Variants in LHFPL3 observed in about 807,000 individuals in gnomAD.
The protein encoded by LHFPL3 is LHFPL tetraspan subfamily member 3.
Under a neutral mutation model 19.3 loss-of-function variants are expected in LHFPL3, and 5 were observed. That is an observed-to-expected ratio of 0.26 (90% CI 0.14 to 0.54). The LOEUF (loss-of-function observed/expected upper bound fraction) is 0.54. Ranked by LOEUF, LHFPL3 falls within the 20% of genes least tolerant of loss-of-function variation. LHFPL3 has a pLI of 0.94. For missense variants in LHFPL3, 249 were observed against 307.4 expected (o/e 0.81, Z 1.42); for synonymous variants, 133 against 126.2 (o/e 1.05, Z -0.36).
At chr7:104,343,570 C>T (rs939178795) in intron 1 of LHFPL3, among the ~76,000 whole-genome samples, 2 of 110,734 alleles carry the variant, frequency 1.8e-5, no homozygotes, top group Non-Finnish European at 3.8e-5. Flanking sequence ...TGAATTTATA[C>T]AATGAAAGAG....
intron 1 of LHFPL3, among the ~76,000 whole-genome samples, chr7:104,419,431 T>G (rs1791684987): frequency 1.3e-5 from 2 of 152,308 alleles, no homozygotes; most frequent in South Asian, 4.1e-4. Flanking sequence ...GTTGTGAGTT[T>G]GAAAGACATT....
chr7:104,410,278 G>A (rs1204928491), intron 1 of LHFPL3, among the ~76,000 whole-genome samples: 3 of 152,030 alleles, frequency 2.0e-5, no homozygotes, highest in Admixed American at 6.5e-5. Flanking sequence ...GATTACAAGC[G>A]CCTGCCACCA....
intron 2 of LHFPL3, among the ~76,000 whole-genome samples, chr7:104,779,348 T>C (rs574740283): frequency 2.6e-5 from 4 of 152,364 alleles, no homozygotes; most frequent in African/African-American, 9.6e-5. Flanking sequence ...TTCAAGCTCC[T>C]GAGGGCAGGG....
At chr7:104,857,434 C>G (rs1791530220) in intron 2 of LHFPL3, among the ~76,000 whole-genome samples, 1 of 152,072 alleles carries the variant, frequency 6.6e-6, no homozygotes, top group Admixed American at 6.6e-5. Context: ...TATGCCAGAC[C>G]TTATACCAGG....
intron 1 of LHFPL3, among the ~76,000 whole-genome samples, chr7:104,489,373 A>G (rs1286136354): frequency 6.6e-6 from 1 of 151,948 alleles, no homozygotes; most frequent in Non-Finnish European, 1.5e-5. Context: ...AGTTTTGAAC[A>G]AGGGACTCTG....
chr7:104,882,300 T>A (rs566670675), intron 2 of LHFPL3, among the ~76,000 whole-genome samples: 1 of 152,266 alleles, frequency 6.6e-6, no homozygotes, highest in South Asian at 2.1e-4. Context: ...CAGACTGGAG[T>A]GCAGTGGCAT....
chr7:104,697,044 T>A (rs990967793), intron 1 of LHFPL3, among the ~76,000 whole-genome samples: 1 of 152,200 alleles, frequency 6.6e-6, no homozygotes, highest in African/African-American at 2.4e-5. Context: ...CTTGTGTCCT[T>A]ACATGGTGGA....
chr7:104,855,232 C>G (rs534817319), intron 2 of LHFPL3, among the ~76,000 whole-genome samples: 30 of 152,318 alleles, frequency 2.0e-4, no homozygotes, highest in Non-Finnish European at 3.8e-4. Flanking sequence ...ATGACCTCAC[C>G]TGGAGGTTAA....
chr7:104,480,345 C>G (rs539091894), intron 1 of LHFPL3, among the ~76,000 whole-genome samples: 113 of 152,206 alleles, frequency 7.4e-4, no homozygotes, highest in African/African-American at 2.6e-3. Flanking sequence ...CCCCCCACCG[C>G]CCAGATTTCC....
intron 1 of LHFPL3, among the ~76,000 whole-genome samples, chr7:104,431,873 A>G (rs982351250): frequency 5.3e-5 from 8 of 152,228 alleles, no homozygotes; most frequent in African/African-American, 1.9e-4. Context: ...TATCATGTCA[A>G]TCTCCTTGGT....
intron 1 of LHFPL3, among the ~76,000 whole-genome samples, chr7:104,657,975 A>T (rs902462515): frequency 6.6e-6 from 1 of 151,492 alleles, no homozygotes; most frequent in Non-Finnish European, 1.5e-5. Context: ...TTTTCCATAG[A>T]TACCAGCACA....
intron 2 of LHFPL3, among the ~76,000 whole-genome samples, chr7:104,867,971 C>A (rs543719909): frequency 3.3e-5 from 5 of 152,266 alleles, no homozygotes; most frequent in African/African-American, 1.2e-4. Context: ...GAACCAACGA[C>A]AAAAACCATA....
At chr7:104,502,596 G>A (rs1423596041) in intron 1 of LHFPL3, among the ~76,000 whole-genome samples, 3 of 151,996 alleles carry the variant, frequency 2.0e-5, no homozygotes, top group Non-Finnish European at 2.9e-5. Flanking sequence ...TGTGGTTCAG[G>A]GTGAACCTAG....
chr7:104,779,490 C>A (rs1794684700), intron 2 of LHFPL3, among the ~76,000 whole-genome samples: 1 of 152,040 alleles, frequency 6.6e-6, no homozygotes, highest in Non-Finnish European at 1.5e-5. Context: ...TCTGTGACGC[C>A]CAGGATGCCT....
At chr7:104,410,185 T>G (rs1791508497) in intron 1 of LHFPL3, among the ~76,000 whole-genome samples, 1 of 152,176 alleles carries the variant, frequency 6.6e-6, no homozygotes, top group South Asian at 2.1e-4. Flanking sequence ...CAGGCTGGAG[T>G]GCAATGGTGC....
chr7:104,573,393 T>C (rs980806633), intron 1 of LHFPL3, among the ~76,000 whole-genome samples: 19 of 130,518 alleles, frequency 1.5e-4, no homozygotes, highest in African/African-American at 5.1e-4. Flanking sequence ...GCCTGGGTAA[T>C]AGAGTAAGAC....
intron 1 of LHFPL3, among the ~76,000 whole-genome samples, chr7:104,406,570 TTCTAACCCGGG>T (rs1207668392): frequency 2.0e-5 from 3 of 152,244 alleles, no homozygotes; most frequent in Non-Finnish European, 4.4e-5. Context: ...GTAGTCAGAA[TTCTAACCCGGG>T]TCTTCTGATC....
chr7:104,433,008 G>A (rs938729502), intron 1 of LHFPL3, among the ~76,000 whole-genome samples: 2 of 152,060 alleles, frequency 1.3e-5, no homozygotes, highest in Non-Finnish European at 2.9e-5. Context: ...TTGGTCTCGG[G>A]TAAGCTTTGC....
At chr7:104,482,730 T>C (rs930912865) in intron 1 of LHFPL3, among the ~76,000 whole-genome samples, 1 of 152,248 alleles carries the variant, frequency 6.6e-6, no homozygotes, top group Non-Finnish European at 1.5e-5. Flanking sequence ...TGAGCAGATT[T>C]AGAACCCAAA....
Sources: allele counts gnomAD v4.1 joint callset (sites outside exome capture counted in the v4.1 genomes callset), GRCh38; gene constraint gnomAD v4.1.1; transcripts MANE v1.5; gene names NCBI Gene and HGNC (gene_info 2026-07-23, HGNC 2026-07-21).